SAMMSON: variants seen among roughly 807,000 people sequenced by gnomAD.
SAMMSON encodes survival associated mitochondrial melanoma specific oncogenic non-coding RNA.
intron 3 of SAMMSON, among the ~76,000 whole-genome samples, chr3:70,055,442 C>G (rs2067163527): frequency 6.6e-6 from 1 of 152,114 alleles, no homozygotes; most frequent in Non-Finnish European, 1.5e-5. Flanking sequence ...ATGTACCACT[C>G]TAAGGCTATG....
intron 3 of SAMMSON, among the ~76,000 whole-genome samples, chr3:70,044,930 G>A (rs1389000825): frequency 7.1e-6 from 1 of 140,036 alleles, no homozygotes; most frequent in South Asian, 2.2e-4. Context: ...TTTAATTAAA[G>A]TATTACATAA....
intron 7 of SAMMSON, chr3:70,302,637 G>T (rs74963047): frequency 0.038 from 5,814 of 152,172 alleles, 158 homozygotes; most frequent in East Asian, 0.08. Context: ...ATTGGTTCCT[G>T]GTCTCTACAG....
At chr3:70,258,419 T>C (rs1701837012) in intron 6 of SAMMSON, among the ~76,000 whole-genome samples, 1 of 152,174 alleles carries the variant, frequency 6.6e-6, no homozygotes, top group African/African-American at 2.4e-5. Flanking sequence ...TACAGAAATA[T>C]GTATTTACAG....
chr3:70,115,927 T>C (rs2067408951), intron 4 of SAMMSON, among the ~76,000 whole-genome samples: 1 of 152,150 alleles, frequency 6.6e-6, no homozygotes, highest in Non-Finnish European at 1.5e-5. Context: ...GTTAAGTTGG[T>C]GATATTTATT....
chr3:70,250,226 C>A (rs534491190), intron 6 of SAMMSON, among the ~76,000 whole-genome samples: 8 of 152,168 alleles, frequency 5.3e-5, no homozygotes, highest in Non-Finnish European at 1.2e-4. Context: ...CCTCTTAATT[C>A]TTCTCATCTT....
intron 4 of SAMMSON, among the ~76,000 whole-genome samples, chr3:70,229,817 A>C (rs542112194): frequency 1.5e-4 from 23 of 152,328 alleles, no homozygotes; most frequent in Non-Finnish European, 2.4e-4. Flanking sequence ...AAATTTGGAT[A>C]CTAAAATTTG....
intron 7 of SAMMSON, among the ~76,000 whole-genome samples, chr3:70,303,081 G>T (rs1293338174): frequency 1.3e-5 from 2 of 152,136 alleles, no homozygotes; most frequent in South Asian, 2.1e-4. Context: ...TTTAAAGTAA[G>T]TATTCTCCTT....
intron 4 of SAMMSON, among the ~76,000 whole-genome samples, chr3:70,151,901 G>GT (rs1193072870): frequency 6.6e-6 from 1 of 151,800 alleles, no homozygotes; most frequent in African/African-American, 2.4e-5. Context: ...ACATAAGTTT[G>GT]TTTTTTATAG....
chr3:70,112,207 T>A (rs1181358164), intron 4 of SAMMSON, among the ~76,000 whole-genome samples: 1 of 151,962 alleles, frequency 6.6e-6, no homozygotes, highest in African/African-American at 2.4e-5. Context: ...AGATTACATA[T>A]AAAGGAGCAG....
At chr3:70,364,275 C>A (rs372944321) in intron 9 of SAMMSON, among the ~76,000 whole-genome samples, 16 of 151,964 alleles carry the variant, frequency 1.1e-4, no homozygotes, top group African/African-American at 1.7e-4. Context: ...GAAAAATAAA[C>A]CTGAGTTATT....
At chr3:70,003,662 A>G (rs1261954916) in intron 1 of SAMMSON, among the ~76,000 whole-genome samples, 2 of 151,956 alleles carry the variant, frequency 1.3e-5, no homozygotes, top group Non-Finnish European at 2.9e-5. Context: ...GTAAGACATT[A>G]GTATTATTGT....
chr3:70,173,179 T>A (rs1700976627), intron 4 of SAMMSON, among the ~76,000 whole-genome samples: 2 of 151,950 alleles, frequency 1.3e-5, no homozygotes, highest in Admixed American at 6.6e-5. Flanking sequence ...TATTACCCTA[T>A]CATATTAACG....
chr3:70,154,414 G>T (rs1576137364), intron 4 of SAMMSON, among the ~76,000 whole-genome samples: 1 of 151,958 alleles, frequency 6.6e-6, no homozygotes, highest in African/African-American at 2.4e-5. Context: ...AAGTCATAAG[G>T]CCAGGCTGTC....
chr3:70,073,657 C>A (rs1292023873), intron 4 of SAMMSON, among the ~76,000 whole-genome samples: 1 of 151,718 alleles, frequency 6.6e-6, no homozygotes, highest in Non-Finnish European at 1.5e-5. Flanking sequence ...TTCCCCTTTC[C>A]CTCTCTCTTT....
intron 4 of SAMMSON, among the ~76,000 whole-genome samples, chr3:70,109,100 A>G (rs567776947): frequency 6.6e-6 from 1 of 152,118 alleles, no homozygotes; most frequent in African/African-American, 2.4e-5. Context: ...TTATTCTCAT[A>G]CCCCTGTAGC....
chr3:70,036,069 A>G (rs1412658272), intron 3 of SAMMSON, among the ~76,000 whole-genome samples: 1 of 152,160 alleles, frequency 6.6e-6, no homozygotes, highest in African/African-American at 2.4e-5. Context: ...AAATGGTTTT[A>G]ATTTTTTTAA....
At chr3:70,171,169 CT>C (rs1700943586) in intron 4 of SAMMSON, among the ~76,000 whole-genome samples, 1 of 151,758 alleles carries the variant, frequency 6.6e-6, no homozygotes, top group Admixed American at 6.6e-5. Context: ...TTTAATTTTA[CT>C]TTTTCCCCTA....
At chr3:70,117,875 C>G (rs958640170) in intron 4 of SAMMSON, among the ~76,000 whole-genome samples, 1 of 151,978 alleles carries the variant, frequency 6.6e-6, no homozygotes, top group Admixed American at 6.6e-5. Context: ...ATTTATTTAC[C>G]TAATAAATTT....
intron 7 of SAMMSON, among the ~76,000 whole-genome samples, chr3:70,325,654 C>T (rs1575626266): frequency 6.6e-6 from 1 of 152,172 alleles, no homozygotes; most frequent in Non-Finnish European, 1.5e-5. Context: ...CCTCCACCTA[C>T]AACACCCTCT....
Sources: gnomAD v4.1 joint callset for allele counts (sites outside exome capture counted in the v4.1 genomes callset) on GRCh38, gnomAD v4.1.1 for gene constraint, MANE v1.5 for transcripts, NCBI Gene and HGNC (gene_info 2026-07-23, HGNC 2026-07-21) for gene names.